TASP1: variants seen among roughly 807,000 people sequenced by gnomAD.
TASP1 encodes threonine aspartase 1.
In TASP1, 16 loss-of-function variants were observed where a neutral mutation model predicts 56.6. The observed-to-expected ratio is 0.28, with a 90% CI of 0.19 to 0.43. The LOEUF is 0.43. Among genes scored for constraint, TASP1 ranks in the 20% least tolerant of loss-of-function variants. The pLI is 1.00. For missense variants in TASP1, 393 were observed against 511.6 expected, an observed-to-expected ratio of 0.77 and a Z score of 2.24; for synonymous variants, 179 against 184.2, an observed-to-expected ratio of 0.97 and a Z score of 0.23.
At chr20:13,564,246 AT>A (rs2046440222) in intron 7 of TASP1, among the ~76,000 whole-genome samples, 1 of 152,226 alleles carries the variant, frequency 6.6e-6, no homozygotes, top group South Asian at 2.1e-4. Context: ...AAGTTGTATG[AT>A]ACAAAATCAA....
chr20:13,199,837 A>C, the TASP1 span, among the ~76,000 whole-genome samples: 1 of 152,114 alleles, frequency 6.6e-6, no homozygotes. Context: ...ACTTTATTTC[A>C]ATTATTCTGT....
At chr20:13,110,528 G>A in the TASP1 span, among the ~76,000 whole-genome samples, 131 of 152,266 alleles carry the variant, frequency 8.6e-4, 1 homozygote, top group East Asian at 8.1e-3. Flanking sequence ...TTTCAAAGGC[G>A]TTTCGCAGCT....
At chr20:13,564,184 C>T (rs546462192) in intron 7 of TASP1, among the ~76,000 whole-genome samples, 2 of 152,228 alleles carry the variant, frequency 1.3e-5, no homozygotes, top group East Asian at 3.9e-4. Flanking sequence ...AGATCTCCAA[C>T]CCCGTCCCCC....
chr20:13,201,572 T>C, the TASP1 span, among the ~76,000 whole-genome samples: 6 of 130,962 alleles, frequency 4.6e-5, no homozygotes, highest in African/African-American at 1.9e-4. Flanking sequence ...TATTTAAATA[T>C]TAATGTGCAA....
At chr20:13,218,445 G>A in the TASP1 span, among the ~76,000 whole-genome samples, 2 of 152,076 alleles carry the variant, frequency 1.3e-5, no homozygotes, top group Non-Finnish European at 2.9e-5. Flanking sequence ...GGATGGAGGT[G>A]GGGAGTGGGG....
chr20:13,272,607 C>A, the TASP1 span, among the ~76,000 whole-genome samples: 3 of 152,160 alleles, frequency 2.0e-5, no homozygotes, highest in East Asian at 5.8e-4. Flanking sequence ...TCTTTGACAA[C>A]CCATGCACAG....
chr20:13,432,150 T>C (rs1324084367), intron 12 of TASP1, among the ~76,000 whole-genome samples: 1 of 152,224 alleles, frequency 6.6e-6, no homozygotes, highest in African/African-American at 2.4e-5. Flanking sequence ...AAAGTTAATA[T>C]ATCAAGAAAC....
intron 5 of TASP1, among the ~76,000 whole-genome samples, chr20:13,581,523 G>C (rs1193863059): frequency 6.6e-6 from 1 of 152,152 alleles, no homozygotes; most frequent in Non-Finnish European, 1.5e-5. Flanking sequence ...CCTTCAAATT[G>C]GGTAAGGGTG....
intron 4 of TASP1, among the ~76,000 whole-genome samples, chr20:13,622,254 C>A (rs956228347): frequency 6.6e-6 from 1 of 152,162 alleles, no homozygotes; most frequent in African/African-American, 2.4e-5. Flanking sequence ...GAATTACTAT[C>A]CTCATAAATA....
the TASP1 span, among the ~76,000 whole-genome samples, chr20:13,275,480 G>A: frequency 6.6e-6 from 1 of 152,202 alleles, no homozygotes; most frequent in Non-Finnish European, 1.5e-5. Flanking sequence ...ATGGGGTACT[G>A]CTGCCAATAT....
At chr20:13,143,969 C>T in the TASP1 span, among the ~76,000 whole-genome samples, 1 of 152,206 alleles carries the variant, frequency 6.6e-6, no homozygotes, top group Admixed American at 6.5e-5. Context: ...ATGCACTATA[C>T]ACTATGAGCT....
At chr20:13,376,041 T>G in the TASP1 span, among the ~76,000 whole-genome samples, 1 of 152,234 alleles carries the variant, frequency 6.6e-6, no homozygotes, top group African/African-American at 2.4e-5. Context: ...TTCACTCTGA[T>G]GATCATTTAT....
chr20:13,517,055 C>T (rs1043887454), intron 10 of TASP1, among the ~76,000 whole-genome samples: 5 of 152,080 alleles, frequency 3.3e-5, no homozygotes, highest in Non-Finnish European at 7.4e-5. Flanking sequence ...ACTGAGGTAC[C>T]TGCAAGTGAT....
the TASP1 span, among the ~76,000 whole-genome samples, chr20:13,374,875 G>A: frequency 6.6e-6 from 1 of 152,054 alleles, no homozygotes; most frequent in African/African-American, 2.4e-5. Context: ...GCTCACCCTG[G>A]AATTAAAATA....
chr20:13,108,025 G>A, the TASP1 span, among the ~76,000 whole-genome samples: 1 of 152,102 alleles, frequency 6.6e-6, no homozygotes, highest in African/African-American at 2.4e-5. Context: ...GATCTTGCTA[G>A]TATGCAGCAT....
At chr20:13,392,945 G>A (rs1293239093) in intron 13 of TASP1, 2 of 615,990 alleles carry the variant, frequency 3.2e-6, no homozygotes, top group Non-Finnish European at 3.1e-6. Context: ...GGCCATGCTG[G>A]TGCTGAGTAC....
At chr20:13,365,643 A>C in the TASP1 span, among the ~76,000 whole-genome samples, 1 of 152,204 alleles carries the variant, frequency 6.6e-6, no homozygotes, top group Non-Finnish European at 1.5e-5. Context: ...GAAAGGCCGC[A>C]GTGGCGAGGG....
chr20:13,305,155 G>A, the TASP1 span, among the ~76,000 whole-genome samples: 2 of 148,268 alleles, frequency 1.3e-5, no homozygotes, highest in African/African-American at 5.0e-5. Context: ...TCTCATTCTG[G>A]CCAGAGACAG....
At chr20:13,188,353 C>A in the TASP1 span, among the ~76,000 whole-genome samples, 1 of 152,070 alleles carries the variant, frequency 6.6e-6, no homozygotes, top group South Asian at 2.1e-4. Flanking sequence ...TTGCAGGATA[C>A]AAAATCAACA....
Sources: allele counts gnomAD v4.1 joint callset (sites outside exome capture counted in the v4.1 genomes callset), GRCh38; gene constraint gnomAD v4.1.1; transcripts MANE v1.5; gene names NCBI Gene and HGNC (gene_info 2026-07-23, HGNC 2026-07-21).